Variants in DOCK2 observed in about 807,000 individuals in gnomAD.
DOCK2 encodes dedicator of cytokinesis 2.
In DOCK2, 87 loss-of-function variants were observed where a neutral mutation model predicts 248.9. The ratio of observed to expected loss-of-function variants is 0.35; its 90% confidence interval spans 0.29 to 0.42. The LOEUF (loss-of-function observed/expected upper bound fraction) is 0.42, where lower values mean the gene tolerates loss of function less well. DOCK2 is among the 10% of genes least tolerant of loss of function. The pLI, the probability that DOCK2 is intolerant of heterozygous loss-of-function variation, is 1.00. For missense variants in DOCK2, 1,747 were observed against 2,300.2 expected (o/e 0.76, Z 4.92); for synonymous variants, 805 against 821.6 (o/e 0.98, Z 0.35).
chr5:169,900,460 G>A (rs1242136903), intron 27 of DOCK2, among the ~76,000 whole-genome samples: 1 of 152,218 alleles, frequency 6.6e-6, no homozygotes, highest in African/African-American at 2.4e-5. Context: ...GTCAGGAGAA[G>A]ACTGGCTGGC....
chr5:170,071,813 T>C (rs1757690202), intron 46 of DOCK2, among the ~76,000 whole-genome samples: 2 of 152,214 alleles, frequency 1.3e-5, no homozygotes. Context: ...TTAAACACTA[T>C]AGTTTAGATT....
intron 41 of DOCK2, among the ~76,000 whole-genome samples, chr5:170,051,309 C>T (rs189465620): frequency 9.2e-5 from 14 of 152,356 alleles, no homozygotes; most frequent in East Asian, 3.9e-4. Context: ...GCCTGTCCAA[C>T]GTCAGCCCCA....
intron 46 of DOCK2, among the ~76,000 whole-genome samples, chr5:170,072,790 A>G (rs1358089638): frequency 6.6e-6 from 1 of 152,178 alleles, no homozygotes; most frequent in Non-Finnish European, 1.5e-5. Flanking sequence ...GCACCTTTTC[A>G]TATGCTTACT....
chr5:169,964,843 G>T (rs554402499), intron 27 of DOCK2, among the ~76,000 whole-genome samples: 39 of 152,354 alleles, frequency 2.6e-4, no homozygotes, highest in African/African-American at 8.7e-4. Flanking sequence ...AGGATTCAAA[G>T]GGGGAACTGC....
intron 25 of DOCK2, among the ~76,000 whole-genome samples, chr5:169,791,209 T>C (rs185312171): frequency 4.5e-4 from 68 of 152,336 alleles, no homozygotes; most frequent in African/African-American, 1.4e-3. Flanking sequence ...GAGACATGAC[T>C]TGATTGAGAT....
At chr5:169,883,046 A>G in intron 27 of DOCK2, 1 of 1,551,572 alleles carries the variant, frequency 6.4e-7, no homozygotes. Flanking sequence ...TTGTCATCTG[A>G]GTTGTCTTTG....
At position 169,850,250 on chromosome 5, in the gene DOCK2, G is replaced by A. The variant is rs568849355; in HGVS notation, c.2799+9398G>A. 5.3e-5 allele frequency among the ~76,000 whole-genome samples: 8 copies of A among 152,274 alleles called. No homozygotes were observed. In the South Asian group the frequency reaches 1.7e-3, roughly 32 times the overall value. ...GCAATAATTACTGTCTCATCTCAAAGAGGAAATGGCCATTAGAGAGCTTGA... is the reference window on the plus strand; with the variant it reads ...GCAATAATTACTGTCTCATCTCAAAAAGGAAATGGCCATTAGAGAGCTTGA... On this transcript the variant is annotated intron_variant, in intron 27 of 51. Transcript: ENST00000520908.
At chr5:169,903,355 G>A (rs905698065) in intron 27 of DOCK2, among the ~76,000 whole-genome samples, 5 of 151,960 alleles carry the variant, frequency 3.3e-5, no homozygotes, top group African/African-American at 1.2e-4. Flanking sequence ...TAAGAGCAGG[G>A]TGGTAAATAC....
chr5:169,657,720 C>T (rs954763110), intron 2 of DOCK2, among the ~76,000 whole-genome samples: 7 of 152,210 alleles, frequency 4.6e-5, no homozygotes, highest in Admixed American at 6.5e-5. Context: ...TCTTCCCTTT[C>T]ACCCATTCAA....
intron 25 of DOCK2, among the ~76,000 whole-genome samples, chr5:169,762,590 C>A (rs1453456456): frequency 6.6e-6 from 1 of 152,166 alleles, no homozygotes; most frequent in African/African-American, 2.4e-5. Flanking sequence ...GCTCTGCATG[C>A]CTAGATTTTC....
At position 169,680,792 on chromosome 5, in the gene DOCK2, G is replaced by A. The variant is rs368820680; in HGVS notation, c.471-952G>A. ...TGACCCCTTTACTCCTCCAGCCCTAGGCCCCTACCTGTCCCCACAGATAAC... is the reference window on the plus strand; with the variant it reads ...TGACCCCTTTACTCCTCCAGCCCTAAGCCCCTACCTGTCCCCACAGATAAC... On this transcript the variant is annotated intron_variant, in intron 6 of 51. Coordinates refer to ENST00000520908, the MANE Select transcript of DOCK2 (RefSeq NM_004946.3). Among the ~76,000 whole-genome samples, 8 of 152,050 alleles carry A rather than the reference G, an allele frequency of 5.3e-5. 1 individual carries two copies. The East Asian group carries it at 1.2e-3, about 22-fold the overall frequency.
chr5:169,950,480 G>A (rs1776615708), intron 27 of DOCK2, among the ~76,000 whole-genome samples: 1 of 152,180 alleles, frequency 6.6e-6, no homozygotes, highest in Non-Finnish European at 1.5e-5. Context: ...ATCACTGTGT[G>A]AACCAGGGTT....
At chr5:169,878,380 CA>C (rs1332966331) in intron 27 of DOCK2, among the ~76,000 whole-genome samples, 7 of 152,194 alleles carry the variant, frequency 4.6e-5, no homozygotes, top group Non-Finnish European at 8.8e-5. Context: ...TTATGTAAAA[CA>C]GGCAATATCA....
intron 27 of DOCK2, chr5:169,883,460 C>G (rs1772787074): frequency 1.3e-6 from 2 of 1,551,660 alleles, no homozygotes; most frequent in East Asian, 2.4e-5. Flanking sequence ...TAGGCAAGGT[C>G]AGAAGACACA....
intron 29 of DOCK2, among the ~76,000 whole-genome samples, chr5:169,991,566 C>T (rs1778206347): frequency 6.6e-6 from 1 of 152,236 alleles, no homozygotes; most frequent in South Asian, 2.1e-4. Context: ...GTGCTATATC[C>T]ATAAGACCAC....
intron 26 of DOCK2, among the ~76,000 whole-genome samples, chr5:169,815,124 C>T (rs945232277): frequency 2.0e-5 from 3 of 152,200 alleles, no homozygotes; most frequent in African/African-American, 7.2e-5. Flanking sequence ...ACATCCCTAG[C>T]CATGTGGTAA....
intron 9 of DOCK2, among the ~76,000 whole-genome samples, chr5:169,690,432 C>A (rs1409974490): frequency 1.3e-5 from 2 of 152,020 alleles, no homozygotes; most frequent in Non-Finnish European, 2.9e-5. Context: ...TTGGTTACAG[C>A]CCATTAATTG....
chr5:170,000,931 C>T (rs952354217), intron 30 of DOCK2, among the ~76,000 whole-genome samples: 8 of 152,094 alleles, frequency 5.3e-5, no homozygotes, highest in Admixed American at 6.6e-5. Flanking sequence ...CAAAAACAGG[C>T]GAGGGAGAGA....
chr5:169,931,300 A>G lies in DOCK2; in HGVS notation c.2800-51768A>G, dbSNP rs557239209. Among the ~76,000 whole-genome samples the G allele has an allele frequency of 3.3e-5, 5 of 152,352 alleles. No homozygotes were observed. In the South Asian group the frequency reaches 8.3e-4, roughly 25 times the overall value. On this transcript the variant is annotated intron_variant, in intron 27 of 51. Coordinates refer to ENST00000520908, the MANE Select transcript of DOCK2 (RefSeq NM_004946.3). Reference sequence around the variant, plus strand: ...GCCCAGTTGCTGACAAAGCCATCAAAGTACAGGTCTTACTTCCAACAGTGG... The same window carrying G: ...GCCCAGTTGCTGACAAAGCCATCAAGGTACAGGTCTTACTTCCAACAGTGG...
Sources: gnomAD v4.1 joint callset for allele counts (sites outside exome capture counted in the v4.1 genomes callset) on GRCh38, gnomAD v4.1.1 for gene constraint, MANE v1.5 for transcripts, NCBI Gene and HGNC (gene_info 2026-07-23, HGNC 2026-07-21) for gene names.